Variants in PLOD1 observed in about 807,000 individuals in gnomAD.
PLOD1 encodes the protein lysine hydroxylase.
Under a neutral mutation model 94.7 loss-of-function variants are expected in PLOD1, and 70 were observed. The observed-to-expected ratio is 0.74, with a 90% CI of 0.61 to 0.90. The LOEUF (loss-of-function observed/expected upper bound fraction) is 0.90, where lower values mean the gene tolerates loss of function less well. Ranked by LOEUF, PLOD1 falls within the 40% of genes least tolerant of loss-of-function variation. PLOD1 has a pLI of 0.00. For missense variants in PLOD1, 905 were observed against 972.7 expected (o/e 0.93, Z 0.93); for synonymous variants, 417 against 400.2 (o/e 1.04, Z -0.50).
chr1:11,975,061 G>A lies in PLOD1; in HGVS notation c.*253G>A. 1.8e-6 allele frequency: 1 copy of A among 559,344 alleles called. No individual in the cohort carries two copies. Among genetic ancestry groups the A allele is most frequent in the Non-Finnish European group, 3.2e-6 (1 of 312,460 alleles). 34.6% of individuals were successfully genotyped at this position (559,344 alleles called of 1,614,324 possible). ...AGACACCATTCACTTTTACTGCTTT[G>A]TAGTGACTCGTGCTCTCCAACCTGT... On this transcript the variant is annotated 3_prime_UTR_variant, in exon 19 of 19. Transcript: ENST00000196061.
At chr1:11,938,263 CTAAG>C (rs1395380803) in intron 1 of PLOD1, among the ~76,000 whole-genome samples, 4 of 152,102 alleles carry the variant, frequency 2.6e-5, no homozygotes, top group African/African-American at 9.7e-5. Context: ...GATCCCTTTG[CTAAG>C]TAAGAAATCA....
At chr1:11,938,093 C>T (rs1390347600) in intron 1 of PLOD1, among the ~76,000 whole-genome samples, 1 of 151,990 alleles carries the variant, frequency 6.6e-6, no homozygotes, top group Non-Finnish European at 1.5e-5. Flanking sequence ...GCTGGGATCA[C>T]AGGCATGCAC....
chr1:11,966,280 C>T lies in PLOD1; in HGVS notation c.1614C>T (p.Asn538=), dbSNP rs1354330798. Residue 538 remains asparagine, a synonymous_variant, in exon 15 of 19, where the codon AAC becomes AAT. Coordinates refer to ENST00000196061, the MANE Select transcript of PLOD1 (RefSeq NM_000302.4). ...EDWKEKYIHQ[N]YTKALAGKLV... Reference sequence around the variant, plus strand: ...GGAAGGAGAAGTACATCCACCAGAACTACACCAAAGCCCTGGCAGGGAAGC... The same window carrying T: ...GGAAGGAGAAGTACATCCACCAGAATTACACCAAAGCCCTGGCAGGGAAGC... 4 of 1,608,164 alleles carry T rather than the reference C, an allele frequency of 2.5e-6. No homozygotes were observed. Among genetic ancestry groups the T allele is most frequent in the Non-Finnish European group, 3.4e-6 (4 of 1,177,248 alleles).
At chr1:11,944,956 A>G (rs1645640456) in intron 1 of PLOD1, among the ~76,000 whole-genome samples, 1 of 152,252 alleles carries the variant, frequency 6.6e-6, no homozygotes, top group African/African-American at 2.4e-5. Context: ...TGTAAGCTGC[A>G]GACCCTCAGG....
At chr1:11,941,381 G>A (rs970010673) in intron 1 of PLOD1, among the ~76,000 whole-genome samples, 1 of 151,746 alleles carries the variant, frequency 6.6e-6, no homozygotes, top group Non-Finnish European at 1.5e-5. Flanking sequence ...ACCCGGGCTG[G>A]GGTGCAGTGG....
At chr1:11,962,547 A>C (rs1226406906) in intron 10 of PLOD1, among the ~76,000 whole-genome samples, 3 of 151,698 alleles carry the variant, frequency 2.0e-5, no homozygotes, top group Non-Finnish European at 4.4e-5. Context: ...AAGTGCTGGG[A>C]TTACAGGCGT....
Position 11,963,749 on chromosome 1 carries a change from T to A in PLOD1, c.1202+113T>A. The A allele has an allele frequency of 1.4e-6, 1 of 722,052 alleles. No homozygotes were observed. Among genetic ancestry groups the A allele is most frequent in the Non-Finnish European group, 2.5e-6 (1 of 397,720 alleles). The allele number at this position is 722,052 out of a possible 1,614,324, so 44.7% of individuals were successfully genotyped here. A position where few individuals can be genotyped will look rare whatever the true frequency, so the allele number is the denominator to read the frequency against. On this transcript the variant is annotated intron_variant, in intron 11 of 18. Coordinates refer to ENST00000196061, the MANE Select transcript of PLOD1 (RefSeq NM_000302.4). This position sits in a 1 kb window ranked among gnomAD's most constrained non-coding sequence, Gnocchi z 4.3. ...TCATCCACCTCCTCTTCCTCCTCTT[T>A]TTCCTTCTCCTGCTCCTCTTTCTCC...
At chr1:11,961,056 G>A (rs192102038) in intron 10 of PLOD1, among the ~76,000 whole-genome samples, 3 of 152,106 alleles carry the variant, frequency 2.0e-5, no homozygotes, top group Admixed American at 2.0e-4. Context: ...CTGACTATTA[G>A]GGAGCCAACC....
chr1:11,966,277 G>C lies in PLOD1; in HGVS notation c.1611G>C (p.Gln537His), dbSNP rs759983190. ...ACTGGAAGGAGAAGTACATCCACCA[G>C]AACTACACCAAAGCCCTGGCAGGGA... ...PEDWKEKYIH[Q>H]NYTKALAGKL... Residue 537 changes from glutamine to histidine, a missense_variant, in exon 15 of 19, where the codon CAG becomes CAC. By Grantham distance (24) the Gln-to-His change is conservative. Coordinates refer to ENST00000196061, the MANE Select transcript of PLOD1 (RefSeq NM_000302.4). The C allele has an allele frequency of 6.2e-7, 1 of 1,608,020 alleles. No individual in the cohort carries two copies. The highest frequency in any genetic ancestry group is 2.2e-5 in the East Asian group (1 of 44,660).
At chr1:11,954,945 A>G (rs1645728106) in intron 6 of PLOD1, 52 bp downstream of exon 6, 1 of 1,404,590 alleles carries the variant, frequency 7.1e-7, no homozygotes, top group African/African-American at 1.4e-5. Context: ...GATAGGAAGA[A>G]TTCCAGGCAG....
intron 10 of PLOD1, among the ~76,000 whole-genome samples, chr1:11,962,274 C>CTTTTTTTTTTTTTTTTT (rs780613164): frequency 3.1e-4 from 31 of 99,068 alleles, no homozygotes; most frequent in Non-Finnish European, 4.1e-4. Flanking sequence ...TTTTTGTTTT[C>CTTTTTTTTTTTTTTTTT]TTTTTTTTTT....
At chr1:11,973,149 C>G in intron 18 of PLOD1, 152 bp downstream of exon 18, 1 of 785,006 alleles carries the variant, frequency 1.3e-6, no homozygotes, top group Admixed American at 2.1e-5. Flanking sequence ...GGGAGGGCTT[C>G]CTGGAAGGGT....
chr1:11,964,057 G>T (rs1645798134), intron 11 of PLOD1, 118 bp from the exon 12 acceptor site: 4 of 1,055,178 alleles, frequency 3.8e-6, no homozygotes, highest in Non-Finnish European at 5.9e-6. Flanking sequence ...TCTCAGTGAG[G>T]TGCTTGGGGA....
rs762972277 is a variant in PLOD1 at position 11,950,414 on chromosome 1, C to T, written c.360C>T (p.Ala120=). Residue 120 remains alanine, a synonymous_variant, in exon 4 of 19, where the codon GCC becomes GCT. Transcript: ENST00000196061. ...AGCTCCTGAAGAAGTTCCGGCAGGC[C>T]AGGAGCCAGGTGGTCTTCTCTGCTG... is the stretch of plus-strand genomic sequence containing the variant. ...PRELLKKFRQ[A]RSQVVFSAEE... The T allele has an allele frequency of 1.4e-5, 23 of 1,614,146 alleles. No homozygotes were observed. The highest frequency in any genetic ancestry group is 1.9e-5 in the Non-Finnish European group (23 of 1,179,978).
rs754534604 is a variant in PLOD1, at chr1:11,958,593, G to A, written c.921G>A (p.Arg307=). Residue 307 remains arginine, a synonymous_variant, in exon 9 of 19, where the codon CGG becomes CGA. Coordinates refer to ENST00000196061, the MANE Select transcript of PLOD1 (RefSeq NM_000302.4). This position sits in a 1 kb window ranked among gnomAD's most constrained non-coding sequence, Gnocchi z 4.3. ...CGTTTGTGTCCCTGTTCTTCCAGCGGCTCCTGCGGCTCCACTACCCCCAGA... is the reference window on the plus strand; with the variant it reads ...CGTTTGTGTCCCTGTTCTTCCAGCGACTCCTGCGGCTCCACTACCCCCAGA... ...PTPFVSLFFQ[R]LLRLHYPQKH... 3 of 1,614,096 alleles carry A rather than the reference G, an allele frequency of 1.9e-6. No individual in the cohort carries two copies. In the Admixed American group the frequency reaches 5.0e-5, roughly 27 times the overall value.
In PLOD1 at chr1:11,972,015, GGTACTT is replaced by G. The variant is rs879823600; in HGVS notation, c.1903-856_1903-851del. 0.52 allele frequency: 78,126 copies of G among 151,544 alleles called. 20,815 individuals carry two copies. Among genetic ancestry groups the G allele is most frequent in the East Asian group, 0.64 (3,274 of 5,118 alleles). The allele number at this position is 151,544 out of a possible 1,614,324, so 9.4% of individuals were successfully genotyped here. On this transcript the variant is annotated intron_variant, in intron 17 of 18. Coordinates refer to ENST00000196061, the MANE Select transcript of PLOD1 (RefSeq NM_000302.4). The surrounding 1 kb of genome is among the most constrained non-coding windows in gnomAD (Gnocchi z 4.6). ...CCACTGCTACCTTGGCTTTCTCCAA[GGTACTT>G]TCTCCAAGACTCAGTTCCTTCCTTG...
At chr1:11,965,032 A>G (rs1645805896) in intron 13 of PLOD1, among the ~76,000 whole-genome samples, 2 of 151,608 alleles carry the variant, frequency 1.3e-5, no homozygotes, top group African/African-American at 2.4e-5. Context: ...CATCTATTTT[A>G]TTTACATTTT....
intron 5 of PLOD1, chr1:11,954,179 T>C: frequency 5.5e-5 from 7 of 127,456 alleles, no homozygotes; most frequent in South Asian, 4.5e-4. Context: ...GTAGAATATT[T>C]GGAGTAGCGG....
At position 11,965,460 on chromosome 1, in the gene PLOD1, A is replaced by G. The variant is rs892911543; in HGVS notation, c.1471-20A>G. On this transcript the variant is annotated intron_variant, in intron 13 of 18. Transcript: ENST00000196061. ...GGAGGGGTGGGGGAGCGCCTCTTCC[A>G]CCGGGCCTGTCCTCCCCAGGATGTG... is the stretch of plus-strand genomic sequence containing the variant. 6.0e-6 allele frequency: 9 copies of G among 1,488,390 alleles called. No homozygotes were observed. In the Admixed American group the frequency reaches 8.4e-5, roughly 14 times the overall value. The allele number at this position is 1,488,390 out of a possible 1,614,324, so 92.2% of individuals were successfully genotyped here.
Sources: gnomAD v4.1 joint callset for allele counts (sites outside exome capture counted in the v4.1 genomes callset) on GRCh38, gnomAD v4.1.1 for gene constraint, Gnocchi (gnomAD v3.1) non-coding constraint, MANE v1.5 for transcripts, NCBI Gene and HGNC (gene_info 2026-07-23, HGNC 2026-07-21) for gene names.